The following PRKG1 variants were observed in gnomAD, a reference collection of about 807,000 sequenced individuals.
The protein encoded by PRKG1 is protein kinase cGMP-dependent 1.
In PRKG1, 35 loss-of-function variants were observed where a neutral mutation model predicts 88.1. The ratio of observed to expected loss-of-function variants is 0.40; its 90% confidence interval spans 0.30 to 0.53. PRKG1 has a LOEUF of 0.53. Ranked by LOEUF, PRKG1 falls within the 20% of genes least tolerant of loss-of-function variation. The pLI, the probability that PRKG1 is intolerant of heterozygous loss-of-function variation, is 0.59. For synonymous variants in PRKG1, 303 were observed against 292.5 expected (o/e 1.04, Z -0.37); for missense variants, 540 against 839.8 (o/e 0.64, Z 4.41).
At chr10:51,816,537 ATGTGTGTGTGTGTGTGTGTGTG>A (rs35430934) in intron 4 of PRKG1, among the ~76,000 whole-genome samples, 1 of 145,938 alleles carries the variant, frequency 6.9e-6, no homozygotes, top group East Asian at 2.0e-4. Flanking sequence ...TAATTTTGGC[ATGTGTGTGTGTGTGTGTGTGTG>A]TGTGTGTGTG....
intron 2 of PRKG1, among the ~76,000 whole-genome samples, chr10:51,331,897 C>T (rs932081490): frequency 1.3e-5 from 2 of 152,108 alleles, no homozygotes; most frequent in African/African-American, 4.8e-5. Flanking sequence ...AAGAATAATC[C>T]TGAAGGGGAG....
At chr10:52,017,612 G>T (rs1301051784) in intron 5 of PRKG1, among the ~76,000 whole-genome samples, 6 of 152,060 alleles carry the variant, frequency 3.9e-5, no homozygotes, top group African/African-American at 1.4e-4. Context: ...GAATTTGATG[G>T]GATATAGATA....
At chr10:51,787,491 G>C (rs1225630173) in intron 3 of PRKG1, among the ~76,000 whole-genome samples, 1 of 152,108 alleles carries the variant, frequency 6.6e-6, no homozygotes, top group Non-Finnish European at 1.5e-5. Context: ...TACCCAGCAT[G>C]GTAGTTCCCC....
At chr10:51,152,957 TA>T (rs1271326245) in intron 1 of PRKG1, among the ~76,000 whole-genome samples, 6 of 147,368 alleles carry the variant, frequency 4.1e-5, no homozygotes, top group African/African-American at 1.0e-4. Flanking sequence ...ATAGAATACT[TA>T]AAAAAAATTC....
At chr10:51,030,497 C>A (rs1223065887) in intron 1 of PRKG1, among the ~76,000 whole-genome samples, 5 of 152,146 alleles carry the variant, frequency 3.3e-5, no homozygotes, top group Non-Finnish European at 7.4e-5. Flanking sequence ...TGATGCAACT[C>A]ATTCTCTGTA....
At chr10:51,200,039 C>T (rs1005092470) in intron 2 of PRKG1, among the ~76,000 whole-genome samples, 4 of 152,102 alleles carry the variant, frequency 2.6e-5, no homozygotes, top group East Asian at 1.9e-4. Context: ...AAAGAAGGAT[C>T]GCCTCTTCTG....
intron 3 of PRKG1, among the ~76,000 whole-genome samples, chr10:51,628,008 CTCTTTCTTTCTTTCTT>C (rs762442433): frequency 6.1e-4 from 31 of 50,460 alleles, no homozygotes; most frequent in Middle Eastern, 0.02. Context: ...CTCTCTCTCT[CTCTTTCTTTCTTTCTT>C]TCTTTCTTTC....
intron 3 of PRKG1, among the ~76,000 whole-genome samples, chr10:51,798,800 G>A (rs1010709012): frequency 6.6e-6 from 1 of 151,990 alleles, no homozygotes; most frequent in African/African-American, 2.4e-5. Flanking sequence ...AATCACTTAG[G>A]TTAGTTTATA....
At chr10:51,590,922 A>G (rs900879911) in intron 3 of PRKG1, among the ~76,000 whole-genome samples, 3 of 152,222 alleles carry the variant, frequency 2.0e-5, no homozygotes, top group Non-Finnish European at 4.4e-5. Context: ...TACTTCTGTC[A>G]AACATTGGTA....
chr10:51,048,206 C>T (rs1843515553), intron 1 of PRKG1, among the ~76,000 whole-genome samples: 1 of 152,056 alleles, frequency 6.6e-6, no homozygotes, highest in Non-Finnish European at 1.5e-5. Context: ...TTTGTTCTTT[C>T]CTATTTTCCT....
intron 7 of PRKG1, among the ~76,000 whole-genome samples, chr10:52,079,937 C>G (rs1382411082): frequency 1.3e-5 from 2 of 152,274 alleles, no homozygotes; most frequent in Middle Eastern, 3.4e-3. Flanking sequence ...GGCAGGCTGT[C>G]CCATGATAGG....
At chr10:51,849,300 G>A (rs1420897246) in intron 4 of PRKG1, among the ~76,000 whole-genome samples, 3 of 152,096 alleles carry the variant, frequency 2.0e-5, no homozygotes, top group Non-Finnish European at 4.4e-5. Context: ...AAAATAATCT[G>A]GGGGGTTACC....
chr10:51,891,336 C>T (rs551557336), intron 4 of PRKG1, among the ~76,000 whole-genome samples: 38 of 152,274 alleles, frequency 2.5e-4, no homozygotes, highest in African/African-American at 9.1e-4. Context: ...CTTTGGATCA[C>T]ACACTTCAAT....
chr10:51,279,713 T>A (rs1840238181), intron 2 of PRKG1, among the ~76,000 whole-genome samples: 1 of 152,204 alleles, frequency 6.6e-6, no homozygotes, highest in Admixed American at 6.5e-5. Flanking sequence ...TGCCTTTGTT[T>A]TCCATTTGCT....
chr10:51,394,249 A>G (rs1837518010), intron 2 of PRKG1, among the ~76,000 whole-genome samples: 1 of 152,184 alleles, frequency 6.6e-6, no homozygotes, highest in Non-Finnish European at 1.5e-5. Flanking sequence ...GCCAACATAA[A>G]TCACCACCAT....
At chr10:51,055,667 G>A (rs917250013) in intron 1 of PRKG1, among the ~76,000 whole-genome samples, 27 of 151,936 alleles carry the variant, frequency 1.8e-4, no homozygotes, top group Non-Finnish European at 4.4e-5. Flanking sequence ...TGAACCCAGG[G>A]GCAGAGCTTG....
At position 51,022,985 on chromosome 10, in the gene PRKG1, G is replaced by A. The variant is rs76864943; in HGVS notation, c.266+31341G>A. 1.3e-3 allele frequency among the ~76,000 whole-genome samples: 202 copies of A among 152,232 alleles called. 1 individual carries two copies. The highest frequency in any genetic ancestry group is 4.8e-3 in the African/African-American group (198 of 41,542). ...GCACTCCAGCCTGGGCGACAATAGC[G>A]AAGCTCCGTCTCAGAAACAAAATAA... On this transcript the variant is annotated intron_variant, in intron 1 of 17. Coordinates refer to the PRKG1 transcript ENST00000401604.
intron 4 of PRKG1, among the ~76,000 whole-genome samples, chr10:51,901,802 A>G (rs1309867676): frequency 6.6e-6 from 1 of 152,212 alleles, no homozygotes; most frequent in East Asian, 1.9e-4. Context: ...TATCTATACC[A>G]TGAGAGAAAG....
intron 7 of PRKG1, among the ~76,000 whole-genome samples, chr10:52,118,674 T>C (rs541261418): frequency 9.2e-5 from 14 of 152,218 alleles, no homozygotes; most frequent in African/African-American, 3.4e-4. Flanking sequence ...TACTTTTCAT[T>C]TGAATTGGAT....
Sources: gnomAD v4.1 joint callset for allele counts (sites outside exome capture counted in the v4.1 genomes callset) on GRCh38, gnomAD v4.1.1 for gene constraint, MANE v1.5 for transcripts, NCBI Gene and HGNC (gene_info 2026-07-23, HGNC 2026-07-21) for gene names.